TNNI3K: variants seen among roughly 807,000 people sequenced by gnomAD.
TNNI3K encodes the protein TNNI3 interacting kinase.
A neutral mutation model predicts 114.5 loss-of-function variants in TNNI3K; 140 were observed. The ratio of observed to expected loss-of-function variants is 1.22; its 90% CI spans 1.07 to 1.41. The LOEUF (loss-of-function observed/expected upper bound fraction) is 1.41, where lower values mean the gene tolerates loss of function less well. TNNI3K is among the 40% of genes most tolerant of loss of function. The pLI is 0.00. For missense variants in TNNI3K, 1,125 were observed against 1,007.6 expected, an observed-to-expected ratio of 1.12 and a Z score of -1.58; for synonymous variants, 347 against 347.5, an observed-to-expected ratio of 1.00 and a Z score of 0.02.
At chr1:74,264,565 C>T (rs1274439990) in intron 4 of TNNI3K, among the ~76,000 whole-genome samples, 2 of 151,928 alleles carry the variant, frequency 1.3e-5, no homozygotes, top group Non-Finnish European at 2.9e-5. Context: ...CTTAGAGAAA[C>T]ATTTTAAAAA....
rs1259736493 is a variant in TNNI3K at position 74,237,742 on chromosome 1, C to CAGG, written c.149+1534_149+1536dup. 2.0e-5 allele frequency among the ~76,000 whole-genome samples: 3 copies of CAGG among 152,062 alleles called. No homozygotes were observed. In the East Asian group the frequency reaches 5.8e-4, roughly 29 times the overall value. ...TCTGATTAGCATTGGGGGTGAGATG[C>CAGG]AGGAATCTGTGTCAGGGAGCTTACA... On this transcript the variant is annotated intron_variant, in intron 2 of 24. Coordinates refer to ENST00000326637, the MANE Select transcript of TNNI3K (RefSeq NM_015978.3).
At chr1:74,455,080 A>T (rs1318279173) in intron 20 of TNNI3K, among the ~76,000 whole-genome samples, 1 of 152,166 alleles carries the variant, frequency 6.6e-6, no homozygotes, top group East Asian at 1.9e-4. Context: ...TGACCAGGCC[A>T]TCAAACTACT....
rs1477744744 is a variant in TNNI3K at position 74,369,517 on chromosome 1, C to T, written c.1599C>T (p.Ser533=). The T allele has an allele frequency of 6.2e-7, 1 of 1,612,764 alleles. No homozygotes were observed. The highest frequency in any genetic ancestry group is 1.3e-5 in the African/African-American group (1 of 74,906). ...TGGGTGCTTGCTTGAATGATCCCAG[C>T]CAGTTTGCCATTGTCACTCAATACA... ...QFVGACLNDP[S]QFAIVTQYIS... The change falls in exon 16 of 25, where the codon AGC becomes AGT. Residue 533 remains serine, a synonymous_variant. Coordinates refer to ENST00000326637, the MANE Select transcript of TNNI3K (RefSeq NM_015978.3).
intron 17 of TNNI3K, among the ~76,000 whole-genome samples, chr1:74,429,069 G>C (rs1031429789): frequency 1.3e-5 from 2 of 152,094 alleles, no homozygotes; most frequent in African/African-American, 4.8e-5. Flanking sequence ...GCCTCAGGTA[G>C]TTCCTGACAG....
intron 20 of TNNI3K, among the ~76,000 whole-genome samples, chr1:74,460,249 A>G (rs1353006101): frequency 2.0e-5 from 3 of 152,070 alleles, no homozygotes; most frequent in African/African-American, 7.2e-5. Context: ...TTGTGTTTTT[A>G]GTAGAGATGC....
chr1:74,401,215 A>T (rs1220165402), intron 17 of TNNI3K, among the ~76,000 whole-genome samples: 2 of 152,224 alleles, frequency 1.3e-5, no homozygotes, highest in Non-Finnish European at 2.9e-5. Flanking sequence ...GTGTGCATGC[A>T]TATGACACAT....
intron 5 of TNNI3K, among the ~76,000 whole-genome samples, chr1:74,308,270 A>G (rs1417880921): frequency 6.6e-6 from 1 of 152,128 alleles, no homozygotes; most frequent in Non-Finnish European, 1.5e-5. Flanking sequence ...GTCATAAAGC[A>G]AGTCTTAATA....
chr1:74,522,986 G>C (rs1182378893), intron 23 of TNNI3K, among the ~76,000 whole-genome samples: 1 of 152,124 alleles, frequency 6.6e-6, no homozygotes, highest in East Asian at 1.9e-4. Context: ...CTAATGAGAG[G>C]GGAAACCCCA....
intron 20 of TNNI3K, among the ~76,000 whole-genome samples, chr1:74,440,364 T>C (rs1264807928): frequency 6.6e-6 from 1 of 152,124 alleles, no homozygotes; most frequent in Non-Finnish European, 1.5e-5. Context: ...GTAAAGTAGT[T>C]GTCAAATGTA....
At chr1:74,323,891 C>G (rs1337754943) in intron 5 of TNNI3K, among the ~76,000 whole-genome samples, 1 of 151,822 alleles carries the variant, frequency 6.6e-6, no homozygotes, top group African/African-American at 2.4e-5. Context: ...AGAGATGAAC[C>G]GAAAAAGCCA....
intron 6 of TNNI3K, 76 bp downstream of exon 6, chr1:74,331,624 A>G: frequency 8.0e-7 from 1 of 1,247,340 alleles, no homozygotes. Flanking sequence ...CCTAGCTTCA[A>G]AGAGTTTATA....
chr1:74,437,709 G>T (rs532233796), intron 19 of TNNI3K, among the ~76,000 whole-genome samples: 48 of 151,810 alleles, frequency 3.2e-4, no homozygotes, highest in Non-Finnish European at 5.2e-4. Context: ...TCTTTTGGCA[G>T]GACACAAAGC....
chr1:74,451,149 G>T (rs1469802497), intron 20 of TNNI3K, among the ~76,000 whole-genome samples: 1 of 152,120 alleles, frequency 6.6e-6, no homozygotes, highest in Non-Finnish European at 1.5e-5. Flanking sequence ...CACAGGAACA[G>T]AAAACCAAAC....
At chr1:74,473,650 A>C (rs943036478) in intron 21 of TNNI3K, among the ~76,000 whole-genome samples, 1 of 152,044 alleles carries the variant, frequency 6.6e-6, no homozygotes, top group Non-Finnish European at 1.5e-5. Flanking sequence ...ATTTTCCCCA[A>C]GAGGTAAACT....
At position 74,318,913 on chromosome 1, in the gene TNNI3K, C is replaced by T. The variant is rs1019575691; in HGVS notation, c.445-12537C>T. Among the ~76,000 whole-genome samples the T allele has an allele frequency of 3.3e-5, 5 of 152,318 alleles. No individual in the cohort carries two copies. In the East Asian group the frequency reaches 5.8e-4, roughly 18 times the overall value. On this transcript the variant is annotated intron_variant, in intron 5 of 24. Coordinates refer to ENST00000326637, the MANE Select transcript of TNNI3K (RefSeq NM_015978.3). Reference sequence around the variant, plus strand: ...TAAGTAACTATTCCAATGTAAAAGTCATTTCCAACCTGGGTGTTTTAAATA... The same window carrying T: ...TAAGTAACTATTCCAATGTAAAAGTTATTTCCAACCTGGGTGTTTTAAATA...
At chr1:74,482,881 T>C (rs1299569888) in intron 21 of TNNI3K, among the ~76,000 whole-genome samples, 2 of 152,204 alleles carry the variant, frequency 1.3e-5, no homozygotes, top group African/African-American at 4.8e-5. Flanking sequence ...TTAATCTTAC[T>C]AATGCTGAAC....
chr1:74,277,379 A>G (rs1014251738), intron 5 of TNNI3K, among the ~76,000 whole-genome samples: 3 of 152,170 alleles, frequency 2.0e-5, no homozygotes, highest in African/African-American at 4.8e-5. Flanking sequence ...GTTTATTGCT[A>G]TAACACAGCT....
chr1:74,291,063 C>T (rs944084386), intron 5 of TNNI3K, among the ~76,000 whole-genome samples: 2 of 151,564 alleles, frequency 1.3e-5, no homozygotes, highest in African/African-American at 4.8e-5. Flanking sequence ...ATGCATGCAA[C>T]GACCACCAGT....
chr1:74,538,520 G>A (rs981465207), intron 23 of TNNI3K, among the ~76,000 whole-genome samples: 1 of 152,132 alleles, frequency 6.6e-6, no homozygotes, highest in Non-Finnish European at 1.5e-5. Flanking sequence ...AGAATATGGA[G>A]GGTGTATAAG....
Sources: allele counts gnomAD v4.1 joint callset (sites outside exome capture counted in the v4.1 genomes callset), GRCh38; gene constraint gnomAD v4.1.1; transcripts MANE v1.5; gene names NCBI Gene and HGNC (gene_info 2026-07-23, HGNC 2026-07-21).